SMYD3: variants seen among roughly 807,000 people sequenced by gnomAD.
The protein encoded by SMYD3 is histone-lysine N-methyltransferase SMYD3.
Under a neutral mutation model 57.7 loss-of-function variants are expected in SMYD3, and 36 were observed. That is an observed-to-expected ratio of 0.62 (90% confidence interval 0.48 to 0.82). The LOEUF is 0.82. SMYD3 is among the 40% of genes least tolerant of loss of function. The pLI is 0.00. For synonymous variants in SMYD3, 211 were observed against 195.0 expected (o/e 1.08, Z -0.68); for missense variants, 515 against 538.8 (o/e 0.96, Z 0.44).
At chr1:246,040,961 C>T (rs577313817) in intron 5 of SMYD3, among the ~76,000 whole-genome samples, 5 of 152,260 alleles carry the variant, frequency 3.3e-5, no homozygotes, top group South Asian at 2.1e-4. Flanking sequence ...TATATAGTCA[C>T]GCACTGCATA....
chr1:246,472,484 T>A (rs10924740), intron 1 of SMYD3, among the ~76,000 whole-genome samples: 7 of 152,086 alleles, frequency 4.6e-5, no homozygotes, highest in Non-Finnish European at 7.4e-5. Flanking sequence ...GGCTCATGAC[T>A]GTAGCCCCAG....
At chr1:246,306,492 A>G (rs999609133) in intron 5 of SMYD3, among the ~76,000 whole-genome samples, 3 of 152,206 alleles carry the variant, frequency 2.0e-5, no homozygotes, top group African/African-American at 4.8e-5. Context: ...AAATTATAAT[A>G]CCTTAACAGC....
At chr1:246,473,765 G>C (rs970358929) in intron 1 of SMYD3, among the ~76,000 whole-genome samples, 2 of 152,142 alleles carry the variant, frequency 1.3e-5, no homozygotes, top group Non-Finnish European at 2.9e-5. Flanking sequence ...GGGGCGAGGG[G>C]GTACCACTCC....
intron 5 of SMYD3, among the ~76,000 whole-genome samples, chr1:246,257,801 A>C (rs897387510): frequency 2.0e-5 from 3 of 151,992 alleles, no homozygotes; most frequent in Non-Finnish European, 4.4e-5. Flanking sequence ...GTCCCCAAAA[A>C]CTCTCATGTT....
At chr1:245,915,383 T>C (rs1323946376) in intron 8 of SMYD3, 147 bp downstream of exon 8, 3 of 478,280 alleles carry the variant, frequency 6.3e-6, no homozygotes, top group Non-Finnish European at 1.1e-5. Flanking sequence ...ACAAAATATA[T>C]GCAGTTCAAT....
intron 5 of SMYD3, among the ~76,000 whole-genome samples, chr1:246,268,493 A>G (rs1486421414): frequency 6.6e-6 from 1 of 151,468 alleles, no homozygotes; most frequent in Non-Finnish European, 1.5e-5. Context: ...AGGTCAGGAG[A>G]TCCAGACCAT....
At chr1:246,473,152 C>T (rs949274168) in intron 1 of SMYD3, among the ~76,000 whole-genome samples, 1 of 152,032 alleles carries the variant, frequency 6.6e-6, no homozygotes, top group Admixed American at 6.6e-5. Context: ...TCACTGCACC[C>T]GGCCTAATGA....
chr1:245,852,429 A>G (rs1169448800), intron 10 of SMYD3, among the ~76,000 whole-genome samples: 1 of 152,240 alleles, frequency 6.6e-6, no homozygotes. Context: ...AAAGGAAGTC[A>G]AGGTACTTTA....
chr1:245,996,126 C>A (rs899823868), intron 5 of SMYD3, among the ~76,000 whole-genome samples: 1 of 152,192 alleles, frequency 6.6e-6, no homozygotes, highest in East Asian at 1.9e-4. Flanking sequence ...TGTTTAATTT[C>A]ATAAATACAT....
intron 1 of SMYD3, among the ~76,000 whole-genome samples, chr1:246,408,663 CTTTTTTTTTTTTT>C (rs5782392): frequency 1.5e-5 from 1 of 65,534 alleles, no homozygotes; most frequent in East Asian, 4.4e-4. Context: ...AGAAGCAAGT[CTTTTTTTTTTTTT>C]TTTTTTTTTT....
chr1:246,275,780 TC>T (rs71563780), intron 5 of SMYD3, among the ~76,000 whole-genome samples: 11 of 150,878 alleles, frequency 7.3e-5, no homozygotes, highest in South Asian at 6.3e-4. Context: ...CTCTGTTTTT[TC>T]ACTAGCCGTA....
At chr1:246,458,810 C>A (rs2067747072) in intron 1 of SMYD3, among the ~76,000 whole-genome samples, 1 of 152,052 alleles carries the variant, frequency 6.6e-6, no homozygotes, top group Admixed American at 6.6e-5. Context: ...ATCTTTGTAA[C>A]TATTCTGCAG....
At chr1:246,060,157 A>G (rs1242136588) in intron 5 of SMYD3, among the ~76,000 whole-genome samples, 1 of 151,968 alleles carries the variant, frequency 6.6e-6, no homozygotes, top group Non-Finnish European at 1.5e-5. Context: ...GCATGGTGGC[A>G]CACATCTGTA....
intron 8 of SMYD3, among the ~76,000 whole-genome samples, chr1:245,897,565 T>C (rs990099004): frequency 3.3e-5 from 5 of 152,212 alleles, no homozygotes; most frequent in African/African-American, 1.2e-4. Flanking sequence ...TTAGATTACC[T>C]AATTTTTCAC....
chr1:246,239,984 A>G (rs1476094941), intron 5 of SMYD3, among the ~76,000 whole-genome samples: 3 of 152,196 alleles, frequency 2.0e-5, no homozygotes, highest in African/African-American at 4.8e-5. Flanking sequence ...TAGTTTCTGG[A>G]TATCAGCCCT....
chr1:246,013,425 C>T (rs539395389), intron 5 of SMYD3, among the ~76,000 whole-genome samples: 3 of 152,322 alleles, frequency 2.0e-5, no homozygotes, highest in Admixed American at 6.5e-5. Flanking sequence ...AGTGATCCAC[C>T]TGCCTTGGCC....
intron 8 of SMYD3, among the ~76,000 whole-genome samples, chr1:245,890,831 T>C (rs2053341688): frequency 6.6e-6 from 1 of 152,154 alleles, no homozygotes. Flanking sequence ...GAGTGTCTGT[T>C]GATAGATGAA....
rs1572510347 is a variant in SMYD3, at chr1:246,448,132, G to C, written c.164+58922C>G. ...CTCGGGAGGCTGAGGCAGGAGAATT[G>C]CTTGAACCCGGAAGGCAGAGGCGGC... On this transcript the variant is annotated intron_variant, in intron 1 of 11. Transcript: ENST00000490107. 2.0e-5 allele frequency among the ~76,000 whole-genome samples: 3 copies of C among 152,292 alleles called. No homozygotes were observed. The East Asian group carries it at 5.8e-4, about 29-fold the overall frequency.
At chr1:245,895,935 T>TA (rs1369422317) in intron 8 of SMYD3, among the ~76,000 whole-genome samples, 1 of 152,174 alleles carries the variant, frequency 6.6e-6, no homozygotes, top group African/African-American at 2.4e-5. Context: ...AGACAAAAAT[T>TA]AACATTGCTT....
Sources: allele counts gnomAD v4.1 joint callset (sites outside exome capture counted in the v4.1 genomes callset), GRCh38; gene constraint gnomAD v4.1.1; transcripts MANE v1.5; gene names NCBI Gene and HGNC (gene_info 2026-07-23, HGNC 2026-07-21).